Variants in MYO15A observed in about 807,000 individuals in gnomAD.
MYO15A encodes the protein unconventional myosin-XV.
MYO15A carries 308 observed loss-of-function variants against 394.6 expected under a neutral mutation model. That is an observed-to-expected ratio of 0.78 (90% CI 0.71 to 0.86). The LOEUF is 0.86. MYO15A is among the 40% of genes least tolerant of loss of function. MYO15A has a pLI of 0.00. For missense variants in MYO15A, 4,606 were observed against 4,799.1 expected (o/e 0.96, Z 1.19); for synonymous variants, 1,957 against 2,003.8 (o/e 0.98, Z 0.62).
chr17:18,127,010 G>T, intron 6 of MYO15A, 65 bp from the exon 7 acceptor site: 1 of 1,604,672 alleles, frequency 6.2e-7, no homozygotes, highest in Non-Finnish European at 8.5e-7. Flanking sequence ...TTCATGATGG[G>T]AGTCAGGGTG....
chr17:18,140,885 G>A, intron 21 of MYO15A, 53 bp downstream of exon 21: 1 of 1,613,368 alleles, frequency 6.2e-7, no homozygotes, highest in Non-Finnish European at 8.5e-7. Flanking sequence ...CCCATGCTGT[G>A]TGACCTTGGG....
At chr17:18,138,308 T>A (rs1479534024) in intron 17 of MYO15A, 62 bp downstream of exon 17, 4 of 1,576,632 alleles carry the variant, frequency 2.5e-6, no homozygotes, top group Admixed American at 3.5e-5. Flanking sequence ...CATGTCCTCA[T>A]CCCACCCTGA....
intron 60 of MYO15A, among the ~76,000 whole-genome samples, chr17:18,165,440 C>G (rs1048007014): frequency 2.0e-5 from 3 of 152,202 alleles, no homozygotes; most frequent in Non-Finnish European, 4.4e-5. Flanking sequence ...TCCTCCATCT[C>G]CAAAGCCAGC....
chr17:18,169,564 G>A (rs977540011), intron 62 of MYO15A: 6 of 152,108 alleles, frequency 3.9e-5, no homozygotes, highest in African/African-American at 1.2e-4. Context: ...TTGAACGCAA[G>A]AGGCAGAGGT....
chr17:18,132,498 G>A lies in MYO15A; in HGVS notation c.4252G>A (p.Gly1418Arg), dbSNP rs753790346. ...CCACATCTTCTACGAGTTGCTGGCC[G>A]GGTTGCCTGCCCAGCTCAGGCAGGC... ...NYHIFYELLAGLPAQLRQAFS... is the reference protein window; with the variant it reads ...NYHIFYELLARLPAQLRQAFS... Residue 1418 changes from glycine (G) to arginine (R), a missense_variant, in exon 11 of 66, where the codon GGG (glycine) becomes AGG (arginine). By Grantham distance (125) the Gly-to-Arg change is moderately radical. This residue lies in a region of MYO15A where 2,776 missense variants were observed against 3,109.3 expected (regional missense o/e 0.89). Coordinates refer to ENST00000647165, the MANE Select transcript of MYO15A (RefSeq NM_016239.4). The surrounding 1 kb of genome is among the most constrained non-coding windows in gnomAD (Gnocchi z 4.6). 3.1e-6 allele frequency: 5 copies of A among 1,613,792 alleles called. No individual in the cohort carries two copies. The highest frequency in any genetic ancestry group is 1.7e-5 in the Admixed American group (1 of 60,004).
At position 18,131,656 on chromosome 17, in the gene MYO15A, G is replaced by A. The variant is rs2046169314; in HGVS notation, c.4206+125G>A. ...TTAATGAACGAATACATGCGTACAT[G>A]TGTACATGTGAGCCCAGGACCTCCC... On this transcript the variant is annotated intron_variant, in intron 10 of 65. Coordinates refer to ENST00000647165, the MANE Select transcript of MYO15A (RefSeq NM_016239.4). 17 of 1,170,220 alleles carry A rather than the reference G, an allele frequency of 1.5e-5. 1 individual carries two copies. The South Asian group carries it at 2.1e-4, about 14-fold the overall frequency. 72.5% of individuals were successfully genotyped at this position (1,170,220 alleles called of 1,614,324 possible).
Position 18,119,104 on chromosome 17 carries a change from A to G in MYO15A, c.304A>G (p.Lys102Glu). 6.2e-7 allele frequency: 1 copy of G among 1,612,042 alleles called. No individual in the cohort carries two copies. The highest frequency in any genetic ancestry group is 8.5e-7 in the Non-Finnish European group (1 of 1,179,646). Residue 102 changes from lysine (K) to glutamate (E), a missense_variant, in exon 2 of 66, where the codon AAG (lysine) becomes GAG (glutamate). Coordinates refer to ENST00000647165, the MANE Select transcript of MYO15A (RefSeq NM_016239.4). ...MGKKKRAMKG[K>E]KPSFMVIRFP... The stretch of plus-strand genomic sequence containing the variant: ...CAAGAAGAAGCGGGCGATGAAGGGC[A>G]AGAAGCCGTCCTTCATGGTGATCCG...
Position 18,147,516 on chromosome 17 carries a change from C to A in MYO15A, c.6510-513C>A, listed in dbSNP as rs144488243. Among the ~76,000 whole-genome samples, 106 of 152,158 alleles carry A rather than the reference C, an allele frequency of 7.0e-4. No homozygotes were observed. The highest frequency in any genetic ancestry group is 7.4e-5 in the Non-Finnish European group (5 of 68,002). ...GCTGGTAGGGATTGGGCTCATTGGG[C>A]CTGGGTTGAGTTGAACCCTCAGCTG... On this transcript the variant is annotated intron_variant, in intron 30 of 65. Coordinates refer to ENST00000647165, the MANE Select transcript of MYO15A (RefSeq NM_016239.4). The surrounding 1 kb of genome is among the most constrained non-coding windows in gnomAD (Gnocchi z 4.4).
At chr17:18,142,919 T>G (rs987602210) in intron 25 of MYO15A, 79 bp downstream of exon 25, 2 of 1,346,384 alleles carry the variant, frequency 1.5e-6, no homozygotes, top group African/African-American at 2.9e-5. Flanking sequence ...AGGAGACTAC[T>G]GGCCTCAGGC....
At position 18,149,554 on chromosome 17, in the gene MYO15A, G is replaced by C. The variant is rs771700848; in HGVS notation, c.7186G>C (p.Asp2396His). Residue 2396 changes from aspartate to histidine, a missense_variant, in exon 35 of 66, where the codon GAC becomes CAC. By Grantham distance (81) the Asp-to-His change is moderately conservative (BLOSUM62 -1). Transcript: ENST00000647165. Reference sequence around the variant, plus strand: ...GGACTGCTACCTGGATAGCCTCTTTGACCCTGTGCTGTCCTACGGGGATGC... The same window carrying C: ...GGACTGCTACCTGGATAGCCTCTTTCACCCTGTGCTGTCCTACGGGGATGC... ...GLDCYLDSLF[D>H]PVLSYGDADL... 4 of 1,614,050 alleles carry C rather than the reference G, an allele frequency of 2.5e-6. No homozygotes were observed. In the South Asian group the frequency reaches 3.3e-5, roughly 13 times the overall value.
Position 18,149,504 on chromosome 17 carries a change from A to G in MYO15A, c.7136A>G (p.Glu2379Gly). 1 of 1,614,170 alleles carries G rather than the reference A, an allele frequency of 6.2e-7. No homozygotes were observed. The highest frequency in any genetic ancestry group is 8.5e-7 in the Non-Finnish European group (1 of 1,180,022). The change falls in exon 35 of 66, where the codon GAG becomes GGG. Residue 2379 changes from glutamate (E) to glycine (G), a missense_variant. By Grantham distance (98) the Glu-to-Gly change is moderately conservative (BLOSUM62 -2). Around this residue, in one of 2 missense-constraint regions of MYO15A, gnomAD observed 2,776 missense variants for 3,109.3 expected, o/e 0.89. Coordinates refer to ENST00000647165, the MANE Select transcript of MYO15A (RefSeq NM_016239.4). ...CCTCCAGAGTCAGACAGTCTTGGAG[A>G]GCCTGCTGTGCCCCACAAGGGGCTG... ...ATHQESDSLG[E>G]PAVPHKGLDC...
intron 58 of MYO15A, 48 bp from the exon 59 acceptor site, chr17:18,163,196 A>G (rs768274451): frequency 4.0e-4 from 632 of 1,589,326 alleles, no homozygotes; most frequent in Non-Finnish European, 5.4e-4. Flanking sequence ...GGGCTGTCCC[A>G]GATCCTAGGA....
At position 18,120,418 on chromosome 17, in the gene MYO15A, C is replaced by G. The variant is rs921995850; in HGVS notation, c.1618C>G (p.Arg540Gly). Residue 540 changes from arginine (R) to glycine (G), a missense_variant, in exon 2 of 66, where the codon CGC becomes GGC. Arg to Gly is a moderately radical substitution (Grantham distance 125). Around this residue, in one of 2 missense-constraint regions of MYO15A, gnomAD observed 1,830 missense variants for 1,689.7 expected, o/e 1.08. Transcript: ENST00000647165. ...CTGGGGCTTCCTCACGCCGCGCCAG[C>G]GCAACCTCCAGCGCGCGCTGTCGGC... ...PFWGFLTPRQ[R>G]NLQRALSAFG... The G allele has an allele frequency of 1.2e-6, 2 of 1,601,538 alleles. No homozygotes were observed. The highest frequency in any genetic ancestry group is 1.3e-5 in the African/African-American group (1 of 74,704).
At chr17:18,159,027 T>A (rs755202127) in intron 53 of MYO15A, 30 bp downstream of exon 53, 1 of 1,610,438 alleles carries the variant, frequency 6.2e-7, no homozygotes, top group Non-Finnish European at 8.5e-7. Flanking sequence ...AGTTTCCCCA[T>A]CTGTAAAATG....
chr17:18,118,036 A>C (rs2045814910), intron 1 of MYO15A, among the ~76,000 whole-genome samples: 1 of 151,856 alleles, frequency 6.6e-6, no homozygotes. Context: ...CCCAACCTCC[A>C]TTTCTGCCTC....
chr17:18,126,279 C>CATA, intron 4 of MYO15A, 68 bp from the exon 5 acceptor site: 1 of 1,305,440 alleles, frequency 7.7e-7, no homozygotes, highest in Non-Finnish European at 1.1e-6. Flanking sequence ...AGGCTCCCAG[C>CATA]ATAGGGGAGG....
chr17:18,155,148 G>A lies in MYO15A; in HGVS notation c.8263G>A (p.Glu2755Lys). 1 of 1,613,980 alleles carries A rather than the reference G, an allele frequency of 6.2e-7. No homozygotes were observed. Among genetic ancestry groups the A allele is most frequent in the East Asian group, 2.2e-5 (1 of 44,886 alleles). Residue 2755 changes from glutamate (E) to lysine (K), a missense_variant, in exon 46 of 66, where the codon GAA becomes AAA. Coordinates refer to ENST00000647165, the MANE Select transcript of MYO15A (RefSeq NM_016239.4). Reference protein sequence around the residue: ...QLDTQKPLVTESVKRAVVSTA... With the variant: ...QLDTQKPLVTKSVKRAVVSTA... ...GGACACACAGAAGCCTCTGGTAACG[G>A]AAAGCGTGAAGCGGGCCGTGGTCAG... is the stretch of plus-strand genomic sequence containing the variant.
At chr17:18,124,364 C>T (rs927175146) in intron 2 of MYO15A, 119 bp from the exon 3 acceptor site, 35 of 1,003,670 alleles carry the variant, frequency 3.5e-5, no homozygotes, top group Non-Finnish European at 4.7e-5. Context: ...CAGGACCCAC[C>T]TGGCCTTGGG....
In MYO15A at chr17:18,132,991, A is replaced by C. The variant is rs2046195466; in HGVS notation, c.4321-234A>C. 6.6e-6 allele frequency among the ~76,000 whole-genome samples: 1 copy of C among 152,212 alleles called. No homozygotes were observed. The highest frequency in any genetic ancestry group is 2.1e-4 in the South Asian group (1 of 4,828). On this transcript the variant is annotated intron_variant, in intron 11 of 65. Transcript: ENST00000647165. This position sits in a 1 kb window ranked among gnomAD's most constrained non-coding sequence, Gnocchi z 4.6. ...GTAAACACTTGCTACTCTTTTCATT[A>C]CTATCACTGGGCAGCTGCAAAGGTC...
Sources: gnomAD v4.1 joint callset for allele counts (sites outside exome capture counted in the v4.1 genomes callset) on GRCh38, gnomAD v4.1.1 for gene constraint, gnomAD v4.1.1 regional missense constraint, Gnocchi (gnomAD v3.1) non-coding constraint, MANE v1.5 for transcripts, NCBI Gene and HGNC (gene_info 2026-07-23, HGNC 2026-07-21) for gene names.